Variants in CDYL observed in about 807,000 individuals in gnomAD.
The protein encoded by CDYL is chromodomain Y like.
A neutral mutation model predicts 47.3 loss-of-function variants in CDYL; 8 were observed. The observed-to-expected ratio is 0.17, with a 90% CI of 0.10 to 0.31. The LOEUF is 0.31. CDYL is among the 10% of genes least tolerant of loss of function. The probability of loss-of-function intolerance (pLI) is 1.00; values close to 1 mark genes in which losing one functional copy is unlikely to be tolerated. For missense variants in CDYL, 471 were observed against 701.4 expected (o/e 0.67, Z 3.71); for synonymous variants, 266 against 265.0 (o/e 1.00, Z -0.04).
intron 2 of CDYL, among the ~76,000 whole-genome samples, chr6:4,906,749 G>T (rs1003453193): frequency 4.6e-5 from 7 of 152,224 alleles, no homozygotes; most frequent in African/African-American, 1.4e-4. Flanking sequence ...CCAAGAGGAA[G>T]AGTGGTGTAA....
intron 1 of CDYL, among the ~76,000 whole-genome samples, chr6:4,853,180 C>T (rs1760902480): frequency 6.6e-6 from 1 of 152,192 alleles, no homozygotes; most frequent in Admixed American, 6.5e-5. Flanking sequence ...CTTATACTTC[C>T]TCATGCAGTT....
At chr6:4,893,782 A>G (rs899319722) in intron 2 of CDYL, among the ~76,000 whole-genome samples, 18 of 152,108 alleles carry the variant, frequency 1.2e-4, no homozygotes, top group African/African-American at 4.1e-4. Flanking sequence ...AACAAAATAC[A>G]ATGGTGTTGG....
intron 1 of CDYL, among the ~76,000 whole-genome samples, chr6:4,837,018 T>G (rs905853737): frequency 1.3e-5 from 2 of 152,194 alleles, no homozygotes; most frequent in African/African-American, 4.8e-5. Context: ...GCAGTGGTGT[T>G]CACCTGTATA....
intron 3 of CDYL, among the ~76,000 whole-genome samples, chr6:4,753,985 G>C (rs1273672682): frequency 6.6e-6 from 1 of 151,778 alleles, no homozygotes; most frequent in Non-Finnish European, 1.5e-5. Context: ...CCTACCTTTT[G>C]TAAATCGACT....
chr6:4,920,294 C>T (rs1003554395), intron 2 of CDYL, among the ~76,000 whole-genome samples: 2 of 152,166 alleles, frequency 1.3e-5, no homozygotes, highest in African/African-American at 4.8e-5. Context: ...CATCAAACTG[C>T]ACACTTAAAA....
intron 3 of CDYL, chr6:4,734,983 G>T (rs191084067): frequency 4.4e-4 from 618 of 1,408,390 alleles, no homozygotes; most frequent in Non-Finnish European, 5.6e-4. Flanking sequence ...TGAAGCTGTG[G>T]ACTCCTTAGA....
chr6:4,735,558 G>A (rs1582295086), intron 3 of CDYL, among the ~76,000 whole-genome samples: 1 of 152,176 alleles, frequency 6.6e-6, no homozygotes, highest in Middle Eastern at 3.4e-3. Flanking sequence ...GAGGAAAGGA[G>A]TTCGAGACCA....
At chr6:4,833,686 C>T (rs1209857059) in intron 1 of CDYL, among the ~76,000 whole-genome samples, 8 of 151,476 alleles carry the variant, frequency 5.3e-5, no homozygotes, top group Non-Finnish European at 1.2e-4. Flanking sequence ...TAAAGTCTCC[C>T]ATTATTATTG....
At chr6:4,789,816 G>A (rs190486986) in intron 1 of CDYL, among the ~76,000 whole-genome samples, 3 of 152,288 alleles carry the variant, frequency 2.0e-5, no homozygotes, top group Admixed American at 1.3e-4. Flanking sequence ...ACTCCATGGA[G>A]TAATGGGGAG....
At chr6:4,761,645 T>C (rs953851625) in intron 3 of CDYL, among the ~76,000 whole-genome samples, 1 of 152,170 alleles carries the variant, frequency 6.6e-6, no homozygotes, top group African/African-American at 2.4e-5. Flanking sequence ...CCCGGCCCAC[T>C]TTCCCCAGAA....
chr6:4,931,118 G>A (rs994396438), intron 2 of CDYL, among the ~76,000 whole-genome samples: 1 of 152,166 alleles, frequency 6.6e-6, no homozygotes, highest in African/African-American at 2.4e-5. Flanking sequence ...TCTAAATTGA[G>A]GGATCTGGAC....
chr6:4,749,294 T>C (rs1157873561), intron 3 of CDYL, among the ~76,000 whole-genome samples: 2 of 135,860 alleles, frequency 1.5e-5, no homozygotes, highest in Non-Finnish European at 3.1e-5. Context: ...GATGGATGGA[T>C]GGATGGATGG....
intron 2 of CDYL, among the ~76,000 whole-genome samples, chr6:4,904,762 C>T (rs920261492): frequency 2.0e-5 from 3 of 152,084 alleles, no homozygotes; most frequent in Admixed American, 6.5e-5. Context: ...GGAGAGGGAG[C>T]GTGTTGCCAG....
chr6:4,880,377 G>A (rs1761732281), intron 1 of CDYL, among the ~76,000 whole-genome samples: 1 of 152,056 alleles, frequency 6.6e-6, no homozygotes, highest in South Asian at 2.1e-4. Context: ...TCTTTTTGGT[G>A]CAGAATAGTA....
At chr6:4,707,286 TTTTTA>T (rs374242753) in intron 1 of CDYL, among the ~76,000 whole-genome samples, 164 of 152,278 alleles carry the variant, frequency 1.1e-3, no homozygotes, top group African/African-American at 3.6e-3. Context: ...TGTTTTTTGT[TTTTTA>T]TTTGAGACAG....
intron 2 of CDYL, among the ~76,000 whole-genome samples, chr6:4,924,740 C>CT (rs1757815481): frequency 6.6e-6 from 1 of 152,272 alleles, no homozygotes; most frequent in South Asian, 2.1e-4. Flanking sequence ...TGAAAGAAAA[C>CT]TTACAGTGAG....
chr6:4,907,808 G>A (rs1253825703), intron 2 of CDYL, among the ~76,000 whole-genome samples: 1 of 152,174 alleles, frequency 6.6e-6, no homozygotes, highest in Non-Finnish European at 1.5e-5. Flanking sequence ...TTATGGTGAG[G>A]TCAGCTTCCT....
chr6:4,753,425 G>T (rs1181802378), intron 3 of CDYL, among the ~76,000 whole-genome samples: 3 of 152,098 alleles, frequency 2.0e-5, no homozygotes, highest in South Asian at 4.1e-4. Flanking sequence ...ATACAGCTTT[G>T]AACTCCCTGC....
intron 1 of CDYL, among the ~76,000 whole-genome samples, chr6:4,882,867 A>G (rs1761799869): frequency 6.6e-6 from 1 of 152,162 alleles, no homozygotes; most frequent in African/African-American, 2.4e-5. Context: ...GCTAATGATG[A>G]TGACCCACTG....
Sources: gnomAD v4.1 joint callset for allele counts (sites outside exome capture counted in the v4.1 genomes callset) on GRCh38, gnomAD v4.1.1 for gene constraint, MANE v1.5 for transcripts, NCBI Gene and HGNC (gene_info 2026-07-23, HGNC 2026-07-21) for gene names.